The following ELAVL4 variants were observed in gnomAD, a reference collection of about 807,000 sequenced individuals.
ELAVL4 encodes ELAV-like protein 4.
In ELAVL4, 1 loss-of-function variant was observed where a neutral mutation model predicts 35.6. That is an observed-to-expected ratio of 0.03 (90% CI 0.01 to 0.13). The LOEUF is 0.13. ELAVL4 is among the 10% of genes least tolerant of loss of function. The probability of loss-of-function intolerance (pLI) is 1.00; values close to 1 mark genes in which losing one functional copy is unlikely to be tolerated. For missense variants in ELAVL4, 267 were observed against 464.9 expected, an observed-to-expected ratio of 0.57 and a Z score of 3.91; for synonymous variants, 156 against 171.0, an observed-to-expected ratio of 0.91 and a Z score of 0.69.
At chr1:50,132,473 C>T (rs1214663574) in intron 1 of ELAVL4, among the ~76,000 whole-genome samples, 4 of 152,144 alleles carry the variant, frequency 2.6e-5, no homozygotes, top group African/African-American at 4.8e-5. Context: ...CTCCCTGATC[C>T]AGGGAATGGT....
chr1:50,114,703 G>C (rs1667653876), intron 1 of ELAVL4, among the ~76,000 whole-genome samples: 1 of 152,018 alleles, frequency 6.6e-6, no homozygotes, highest in Non-Finnish European at 1.5e-5. Flanking sequence ...TTCCTTGCTT[G>C]CTTGTTCACA....
intron 2 of ELAVL4, among the ~76,000 whole-genome samples, chr1:50,147,667 G>T (rs1182188608): frequency 1.3e-5 from 2 of 152,124 alleles, no homozygotes; most frequent in Admixed American, 1.3e-4. Context: ...GGGTATTTTT[G>T]TTGCCCTGAT....
intron 2 of ELAVL4, among the ~76,000 whole-genome samples, chr1:50,175,275 G>T (rs966352000): frequency 5.3e-5 from 8 of 152,024 alleles, no homozygotes; most frequent in Non-Finnish European, 8.8e-5. Context: ...TCGGATAAAT[G>T]ATATTTTTAA....
intron 1 of ELAVL4, among the ~76,000 whole-genome samples, chr1:50,113,481 T>C (rs1358775952): frequency 1.3e-5 from 2 of 152,160 alleles, no homozygotes; most frequent in African/African-American, 4.8e-5. Flanking sequence ...AATTTCTTCA[T>C]TAGCTCCAAT....
At chr1:50,076,161 G>A (rs547268507) in intron 1 of ELAVL4, among the ~76,000 whole-genome samples, 2 of 152,244 alleles carry the variant, frequency 1.3e-5, no homozygotes, top group East Asian at 1.9e-4. Flanking sequence ...GATGTACCCC[G>A]ATCATAAATC....
chr1:50,148,044 G>A (rs554386339), intron 2 of ELAVL4, among the ~76,000 whole-genome samples: 1 of 152,298 alleles, frequency 6.6e-6, no homozygotes, highest in Admixed American at 6.5e-5. Flanking sequence ...TATGTGCTGG[G>A]GACATAAACA....
intron 1 of ELAVL4, among the ~76,000 whole-genome samples, chr1:50,124,615 T>A (rs1669576124): frequency 6.6e-6 from 1 of 152,112 alleles, no homozygotes. Context: ...ACATTTAGCC[T>A]AGTGGTTATT....
At chr1:50,050,550 C>T (rs914089923) in intron 1 of ELAVL4, among the ~76,000 whole-genome samples, 2 of 152,180 alleles carry the variant, frequency 1.3e-5, no homozygotes, top group Non-Finnish European at 2.9e-5. Context: ...CCTAATTCTG[C>T]ATAATAGCAT....
At chr1:50,153,066 G>C (rs1363413262) in intron 2 of ELAVL4, among the ~76,000 whole-genome samples, 1 of 152,194 alleles carries the variant, frequency 6.6e-6, no homozygotes, top group Non-Finnish European at 1.5e-5. Flanking sequence ...CAGAACAAAT[G>C]ACAGCCCTTC....
intron 1 of ELAVL4, among the ~76,000 whole-genome samples, chr1:50,096,261 G>A (rs1018031283): frequency 6.6e-6 from 1 of 151,484 alleles, no homozygotes; most frequent in Non-Finnish European, 1.5e-5. Context: ...AAACAACTGT[G>A]GTAATGCTCT....
intron 1 of ELAVL4, among the ~76,000 whole-genome samples, chr1:50,111,227 G>A (rs1447370534): frequency 6.6e-6 from 1 of 151,190 alleles, no homozygotes; most frequent in African/African-American, 2.4e-5. Context: ...AGGGAGGGTA[G>A]GGAATCTTGC....
intron 1 of ELAVL4, among the ~76,000 whole-genome samples, chr1:50,131,938 C>T (rs1670929744): frequency 6.7e-6 from 1 of 148,542 alleles, no homozygotes; most frequent in Non-Finnish European, 1.5e-5. Context: ...GCTCTTTACA[C>T]ACAGAAAACT....
intron 1 of ELAVL4, among the ~76,000 whole-genome samples, chr1:50,090,409 G>C (rs1012185585): frequency 6.6e-6 from 1 of 152,088 alleles, no homozygotes; most frequent in African/African-American, 2.4e-5. Flanking sequence ...AGGCTTCTAA[G>C]GGAGATGGTG....
At chr1:50,180,354 G>A (rs558793985) in intron 3 of ELAVL4, 2 of 152,284 alleles carry the variant, frequency 1.3e-5, no homozygotes, top group Admixed American at 6.5e-5. Flanking sequence ...GATTAAGGAT[G>A]TTGAATCAGT....
At position 50,201,239 on chromosome 1, in the gene ELAVL4, G is replaced by T; in HGVS notation, c.*61G>T. 1 of 1,424,314 alleles carries T rather than the reference G, an allele frequency of 7.0e-7. No individual in the cohort carries two copies. The highest frequency in any genetic ancestry group is 1.5e-5 in the South Asian group (1 of 66,664). The allele number at this position is 1,424,314 out of a possible 1,614,324, so 88.2% of individuals were successfully genotyped here. ...ATATATACGAACAAAACACACGCGC[G>T]CACACACACACATACACGAAAGAGA... is the stretch of plus-strand genomic sequence containing the variant. On this transcript the variant is annotated 3_prime_UTR_variant, in exon 7 of 7. Coordinates refer to ENST00000371824, the MANE Select transcript of ELAVL4 (RefSeq NM_001144774.3). The surrounding 1 kb of genome is among the most constrained non-coding windows in gnomAD (Gnocchi z 4.3).
intron 1 of ELAVL4, among the ~76,000 whole-genome samples, chr1:50,060,266 A>G (rs946552567): frequency 1.3e-5 from 2 of 152,212 alleles, no homozygotes; most frequent in African/African-American, 4.8e-5. Flanking sequence ...AGAGATTGTT[A>G]TGACCTTTTC....
intron 3 of ELAVL4, 79 bp downstream of exon 3, chr1:50,177,271 T>C (rs1680204025): frequency 2.8e-6 from 3 of 1,076,436 alleles, no homozygotes; most frequent in South Asian, 1.3e-5. Context: ...ATCCAGGCTA[T>C]GTGGGGGCTG....
At chr1:50,188,645 A>G (rs948423665) in intron 3 of ELAVL4, among the ~76,000 whole-genome samples, 1 of 152,210 alleles carries the variant, frequency 6.6e-6, no homozygotes, top group Non-Finnish European at 1.5e-5. Context: ...TCTAGACCCC[A>G]CAGGCCGAGA....
chr1:50,136,858 T>C (rs1671969015), intron 1 of ELAVL4, among the ~76,000 whole-genome samples: 1 of 152,148 alleles, frequency 6.6e-6, no homozygotes, highest in South Asian at 2.1e-4. Flanking sequence ...GCCAAAAGTA[T>C]GGTGACAGGT....
Sources: allele counts gnomAD v4.1 joint callset (sites outside exome capture counted in the v4.1 genomes callset), GRCh38; gene constraint gnomAD v4.1.1; non-coding constraint Gnocchi (gnomAD v3.1); transcripts MANE v1.5; gene names NCBI Gene and HGNC (gene_info 2026-07-23, HGNC 2026-07-21).